KLHL35: variants seen among roughly 807,000 people sequenced by gnomAD.
The protein encoded by KLHL35 is kelch-like protein 35.
In KLHL35, 50 loss-of-function variants were observed where a neutral mutation model predicts 44.0. The observed-to-expected ratio is 1.14, with a 90% CI of 0.91 to 1.44. The LOEUF is 1.44. Among genes scored for constraint, KLHL35 ranks in the 40% most tolerant of loss-of-function variants. The probability of loss-of-function intolerance (pLI) is 0.00; values close to 1 mark genes in which losing one functional copy is unlikely to be tolerated. For missense variants in KLHL35, 1,049 were observed against 887.8 expected (o/e 1.18, Z -2.31); for synonymous variants, 470 against 410.4 (o/e 1.15, Z -1.76).
At position 75,429,780 on chromosome 11, in the gene KLHL35, C is replaced by G. The variant is rs1948518039; in HGVS notation, c.850G>C (p.Glu284Gln). The G allele has an allele frequency of 6.7e-7, 1 of 1,501,484 alleles. No individual in the cohort carries two copies. The highest frequency in any genetic ancestry group is 1.4e-5 in the African/African-American group (1 of 69,254). The allele number at this position is 1,501,484 out of a possible 1,614,324, so 93.0% of individuals were successfully genotyped here. ...EARACFILGR[E>Q]AGALRTRPRR... ...GGCCGGGTCCGCAGCGCACCGGCCT[C>G]GCGGCCCAGGATGAAGCAGGCGCGA... The change falls in exon 2 of 7, where the codon GAG becomes CAG. Residue 284 changes from glutamate (E) to glutamine (Q), a missense_variant. Coordinates refer to ENST00000539798, the MANE Select transcript of KLHL35 (RefSeq NM_001039548.3).
At chr11:75,428,246 A>G (rs1012108748) in intron 3 of KLHL35, among the ~76,000 whole-genome samples, 196 bp downstream of exon 3, 11 of 152,244 alleles carry the variant, frequency 7.2e-5, no homozygotes, top group Non-Finnish European at 1.0e-4. Flanking sequence ...AAAAGTAATC[A>G]TATGTATTGA....
At position 75,430,269 on chromosome 11, in the gene KLHL35, C is replaced by A; in HGVS notation, c.361G>T (p.Asp121Tyr). 8.3e-7 allele frequency: 1 copy of A among 1,204,998 alleles called. No homozygotes were observed. Among genetic ancestry groups the A allele is most frequent in the South Asian group, 3.0e-5 (1 of 33,612 alleles). The allele number at this position is 1,204,998 out of a possible 1,614,324, so 74.6% of individuals were successfully genotyped here. A position where few individuals can be genotyped will look rare whatever the true frequency, so the allele number is the denominator to read the frequency against. Residue 121 changes from aspartate to tyrosine, a missense_variant, in exon 2 of 7, where the codon GAC (aspartate) becomes TAC (tyrosine). Physicochemically the swap from Asp to Tyr is radical, Grantham distance 160. Coordinates refer to ENST00000539798, the MANE Select transcript of KLHL35 (RefSeq NM_001039548.3). ...YGAGVRLRAE[D>Y]EAAAVLALAE... ...AGCGCCAGCACGGCCGCCGCCTCGT[C>A]CTCCGCGCGCAGCCGCACGCCCGCT...
Position 75,422,573 on chromosome 11 carries a change from A to G in KLHL35, c.*7T>C. On this transcript the variant is annotated 3_prime_UTR_variant, in exon 7 of 7. Coordinates refer to ENST00000539798, the MANE Select transcript of KLHL35 (RefSeq NM_001039548.3). ...CCGCCTCCTGGCTCAGGCTGTCCAA[A>G]TCTGAATCACCTGCCCAAGCTCTGG... 6.2e-7 allele frequency: 1 copy of G among 1,609,366 alleles called. No homozygotes were observed. Among genetic ancestry groups the G allele is most frequent in the East Asian group, 2.2e-5 (1 of 44,734 alleles).
At chr11:75,423,923 C>G (rs889054212) in intron 5 of KLHL35, 43 bp from the exon 6 acceptor site, 14 of 1,448,916 alleles carry the variant, frequency 9.7e-6, no homozygotes, top group East Asian at 7.4e-5. Context: ...ACCGCCCCCC[C>G]CAACAAATGC....
intron 4 of KLHL35, chr11:75,426,169 A>C (rs559424518): frequency 6.0e-6 from 1 of 167,288 alleles, no homozygotes; most frequent in Admixed American, 5.8e-5. Context: ...GTTAGCCAGG[A>C]TGGTCTGGAT....
chr11:75,430,270 C>T lies in KLHL35; in HGVS notation c.360G>A (p.Glu120=), dbSNP rs1254538966. 8.3e-7 allele frequency: 1 copy of T among 1,205,450 alleles called. No individual in the cohort carries two copies. 74.7% of individuals were successfully genotyped at this position (1,205,450 alleles called of 1,614,324 possible). Residue 120 remains glutamate, a synonymous_variant, in exon 2 of 7, where the codon GAG becomes GAA. Coordinates refer to ENST00000539798, the MANE Select transcript of KLHL35 (RefSeq NM_001039548.3). ...VYGAGVRLRA[E]DEAAAVLALA... Reference sequence around the variant, plus strand: ...GCGCCAGCACGGCCGCCGCCTCGTCCTCCGCGCGCAGCCGCACGCCCGCTC... The same window carrying T: ...GCGCCAGCACGGCCGCCGCCTCGTCTTCCGCGCGCAGCCGCACGCCCGCTC...
At position 75,425,568 on chromosome 11, in the gene KLHL35, C is replaced by A; in HGVS notation, c.1199G>T (p.Gly400Val). 6.7e-7 allele frequency: 1 copy of A among 1,483,548 alleles called. No individual in the cohort carries two copies. The highest frequency in any genetic ancestry group is 8.9e-7 in the Non-Finnish European group (1 of 1,123,998). 91.9% of individuals were successfully genotyped at this position (1,483,548 alleles called of 1,614,324 possible). A position where few individuals can be genotyped will look rare whatever the true frequency, so the allele number is the denominator to read the frequency against. The change falls in exon 5 of 7, where the codon GGT (glycine) becomes GTT (valine). Residue 400 changes from glycine (G) to valine (V), a missense_variant. Transcript: ENST00000539798. ...CAGGCGCCTCAGGCCGTCGAAGCCA[C>A]CCACCGCGAACAGCTGCAAGTGAGG... is the stretch of plus-strand genomic sequence containing the variant. Reference protein sequence around the residue: ...AVVQGQLFAVGGFDGLRRLHS... With the variant: ...AVVQGQLFAVVGFDGLRRLHS...
chr11:75,425,657 C>A, intron 4 of KLHL35, 76 bp from the exon 5 acceptor site: 2 of 1,268,970 alleles, frequency 1.6e-6, no homozygotes, highest in Non-Finnish European at 2.1e-6. Flanking sequence ...TCAGTCCTTA[C>A]AGTCTTTGAG....
In KLHL35 at chr11:75,429,773, C is replaced by G; in HGVS notation, c.857G>C (p.Gly286Ala). 7 of 1,498,494 alleles carry G rather than the reference C, an allele frequency of 4.7e-6. No individual in the cohort carries two copies. The highest frequency in any genetic ancestry group is 6.2e-6 in the Non-Finnish European group (7 of 1,129,434). 92.8% of individuals were successfully genotyped at this position (1,498,494 alleles called of 1,614,324 possible). The change falls in exon 2 of 7, where the codon GGT (glycine) becomes GCT (alanine). Residue 286 changes from glycine (G) to alanine (A), a missense_variant. Physicochemically the swap from Gly to Ala is moderately conservative, Grantham distance 60. Transcript: ENST00000539798. ...CCTCCGCGGCCGGGTCCGCAGCGCA[C>G]CGGCCTCGCGGCCCAGGATGAAGCA... is the stretch of plus-strand genomic sequence containing the variant. ...RACFILGREA[G>A]ALRTRPRRFM...
Position 75,422,403 on chromosome 11 carries a change from C to T in KLHL35, c.*177G>A, listed in dbSNP as rs779171886. 1.6e-6 allele frequency: 1 copy of T among 607,448 alleles called. No individual in the cohort carries two copies. Among genetic ancestry groups the T allele is most frequent in the Admixed American group, 3.0e-5 (1 of 33,858 alleles). 37.6% of individuals were successfully genotyped at this position (607,448 alleles called of 1,614,324 possible). On this transcript the variant is annotated 3_prime_UTR_variant, in exon 7 of 7. Coordinates refer to ENST00000539798, the MANE Select transcript of KLHL35 (RefSeq NM_001039548.3). ...ACACAGGGAGCAAATATTAGACATT[C>T]CATCTCCAGGCAGGGCAGACTGCAG...
chr11:75,427,874 C>CT (rs1215638853), intron 3 of KLHL35, among the ~76,000 whole-genome samples: 2 of 152,210 alleles, frequency 1.3e-5, no homozygotes, highest in East Asian at 1.9e-4. Context: ...TCTGGGGACT[C>CT]TGAGAATTCT....
chr11:75,424,612 CCACCATGAGT>C, intron 5 of KLHL35: 1 of 152,366 alleles, frequency 6.6e-6, no homozygotes, highest in Non-Finnish European at 1.5e-5. Context: ...ATGGGGCCTC[CCACCATGAGT>C]GCCTATCACT....
rs1267040632 is a variant in KLHL35 at position 75,428,743 on chromosome 11, C to T, written c.882-117G>A. On this transcript the variant is annotated intron_variant, in intron 2 of 6. Coordinates refer to ENST00000539798, the MANE Select transcript of KLHL35 (RefSeq NM_001039548.3). Reference sequence around the variant, plus strand: ...TTTCATGCGTTTCTGCCATCACCCCCGCCCACCCGATCCCCCGGCCTCAAT... The same window carrying T: ...TTTCATGCGTTTCTGCCATCACCCCTGCCCACCCGATCCCCCGGCCTCAAT... 6 of 885,162 alleles carry T rather than the reference C, an allele frequency of 6.8e-6. No individual in the cohort carries two copies. The African/African-American group carries it at 6.9e-5, about 10-fold the overall frequency. The allele number at this position is 885,162 out of a possible 1,614,324, so 54.8% of individuals were successfully genotyped here.
At position 75,426,889 on chromosome 11, in the gene KLHL35, G is replaced by A. The variant is rs1948496924; in HGVS notation, c.1067-251C>T. The stretch of plus-strand genomic sequence containing the variant: ...GGAAGAAGGGGCTGGTTTTCGCCGG[G>A]CACCTTGTGGTGGTGGTGGTGGTGT... On this transcript the variant is annotated intron_variant, in intron 3 of 6. Coordinates refer to ENST00000539798, the MANE Select transcript of KLHL35 (RefSeq NM_001039548.3). The A allele has an allele frequency of 5.2e-5, 19 of 366,486 alleles. No individual in the cohort carries two copies. The South Asian group carries it at 6.5e-4, about 13-fold the overall frequency. 22.7% of individuals were successfully genotyped at this position (366,486 alleles called of 1,614,324 possible).
At position 75,430,100 on chromosome 11, in the gene KLHL35, A is replaced by G; in HGVS notation, c.530T>C (p.Val177Ala). ...LAPLAERCGR[V>A]LRQAFAEVAR... ...CACCTCGGCGAAGGCCTGACGCAGG[A>G]CGCGGCCGCAGCGCTCGGCCAGCGG... is the stretch of plus-strand genomic sequence containing the variant. The change falls in exon 2 of 7, where the codon GTC (valine) becomes GCC (alanine). Residue 177 changes from valine (V) to alanine (A), a missense_variant. By Grantham distance (64) the Val-to-Ala change is moderately conservative. Coordinates refer to ENST00000539798, the MANE Select transcript of KLHL35 (RefSeq NM_001039548.3). The G allele has an allele frequency of 2.3e-6, 3 of 1,327,362 alleles. No homozygotes were observed. Among genetic ancestry groups the G allele is most frequent in the Non-Finnish European group, 2.9e-6 (3 of 1,042,690 alleles). 82.2% of individuals were successfully genotyped at this position (1,327,362 alleles called of 1,614,324 possible).
At chr11:75,423,558 A>T in intron 6 of KLHL35, 134 bp downstream of exon 6, 1 of 758,522 alleles carries the variant, frequency 1.3e-6, no homozygotes, top group Non-Finnish European at 2.2e-6. Flanking sequence ...TGCATGGTTC[A>T]CTATCACTGT....
At chr11:75,432,131 G>A (rs545659866) in intron 1 of KLHL35, among the ~76,000 whole-genome samples, 1 of 152,096 alleles carries the variant, frequency 6.6e-6, no homozygotes, top group African/African-American at 2.4e-5. Context: ...CCAGGGACAG[G>A]GAGCTCCCTC....
At chr11:75,423,022 C>A (rs561732237) in intron 6 of KLHL35, 11 of 510,384 alleles carry the variant, frequency 2.2e-5, no homozygotes, top group Non-Finnish European at 3.5e-5. Context: ...AACTAAAGTG[C>A]CTTCTTCACA....
chr11:75,430,324 C>A lies in KLHL35; in HGVS notation c.306G>T (p.Ala102=). 7.9e-7 allele frequency: 1 copy of A among 1,263,140 alleles called. No individual in the cohort carries two copies. The highest frequency in any genetic ancestry group is 1.0e-6 in the Non-Finnish European group (1 of 1,003,960). 78.2% of individuals were successfully genotyped at this position (1,263,140 alleles called of 1,614,324 possible). Residue 102 remains alanine (A), a synonymous_variant, in exon 2 of 7, where the codon GCG becomes GCT. Coordinates refer to ENST00000539798, the MANE Select transcript of KLHL35 (RefSeq NM_001039548.3). ...ACACGTAGTCGAGCACCACGGCCAGCGCCGCCGCCGCCCCGGCCGGGCTCG... is the reference window on the plus strand; with the variant it reads ...ACACGTAGTCGAGCACCACGGCCAGAGCCGCCGCCGCCCCGGCCGGGCTCG... ...PGTSPAGAAA[A]LAVVLDYVYG...
Sources: gnomAD v4.1 joint callset for allele counts (sites outside exome capture counted in the v4.1 genomes callset) on GRCh38, gnomAD v4.1.1 for gene constraint, MANE v1.5 for transcripts, NCBI Gene and HGNC (gene_info 2026-07-23, HGNC 2026-07-21) for gene names.